The following ITGA11 variants were observed in gnomAD, a reference collection of about 807,000 sequenced individuals.
ITGA11 encodes integrin alpha-11.
ITGA11 carries 97 observed loss-of-function variants against 141.9 expected under a neutral mutation model. The observed-to-expected ratio is 0.68, with a 90% CI of 0.58 to 0.81. ITGA11 has a LOEUF of 0.81. Ranked by LOEUF, ITGA11 falls within the 30% of genes least tolerant of loss-of-function variation. The pLI, the probability that ITGA11 is intolerant of heterozygous loss-of-function variation, is 0.00. For synonymous variants in ITGA11, 658 were observed against 624.6 expected, an observed-to-expected ratio of 1.05 and a Z score of -0.80; for missense variants, 1,387 against 1,559.2, an observed-to-expected ratio of 0.89 and a Z score of 1.86.
At chr15:68,347,387 G>T (rs1395571527) in intron 10 of ITGA11, among the ~76,000 whole-genome samples, 3 of 152,242 alleles carry the variant, frequency 2.0e-5, no homozygotes, top group Non-Finnish European at 4.4e-5. Context: ...TTGTAGGGCT[G>T]TTCTGGTGTG....
chr15:68,309,960 T>A lies in ITGA11; in HGVS notation c.3174+1034A>T, dbSNP rs117676631. Among the ~76,000 whole-genome samples, 67 of 152,368 alleles carry A rather than the reference T, an allele frequency of 4.4e-4. 2 individuals are homozygous for A. The East Asian group carries it at 0.013, about 29-fold the overall frequency. On this transcript the variant is annotated intron_variant, in intron 26 of 29. Coordinates refer to ENST00000315757, the MANE Select transcript of ITGA11 (RefSeq NM_001004439.2). ...AATAATGGTTGCCCTTTAAAGATTTTTTTTAAGATTAGCAAACCAAAAGAA... is the reference window on the plus strand; with the variant it reads ...AATAATGGTTGCCCTTTAAAGATTTATTTTAAGATTAGCAAACCAAAAGAA...
In ITGA11 at chr15:68,320,307, C is replaced by T; in HGVS notation, c.2494G>A (p.Glu832Lys). The T allele has an allele frequency of 6.2e-7, 1 of 1,613,964 alleles. No individual in the cohort carries two copies. The highest frequency in any genetic ancestry group is 8.5e-7 in the Non-Finnish European group (1 of 1,179,852). ...LSFDTTVFII[E>K]STRQRVAVEA... is the part of the protein sequence containing the mutation. Reference sequence around the variant, plus strand: ...ACCGCCACTCGCTGGCGTGTGCTCTCTATGATGAAGACTGTGGTGTCGAAG... The same window carrying T: ...ACCGCCACTCGCTGGCGTGTGCTCTTTATGATGAAGACTGTGGTGTCGAAG... Residue 832 changes from glutamate (E) to lysine (K), a missense_variant, in exon 20 of 30, where the codon GAG (glutamate) becomes AAG (lysine). Coordinates refer to ENST00000315757, the MANE Select transcript of ITGA11 (RefSeq NM_001004439.2).
rs1194957196 is a variant in ITGA11 at position 68,326,073 on chromosome 15, G to T, written c.2211+581C>A. On this transcript the variant is annotated intron_variant, in intron 17 of 29. Coordinates refer to ENST00000315757, the MANE Select transcript of ITGA11 (RefSeq NM_001004439.2). This position sits in a 1 kb window ranked among gnomAD's most constrained non-coding sequence, Gnocchi z 6.8. ...CCTTCTCAGACCTGCTCACATCTCTGAACTCTGGCCATTGAACTACTGGGA... is the reference window on the plus strand; with the variant it reads ...CCTTCTCAGACCTGCTCACATCTCTTAACTCTGGCCATTGAACTACTGGGA... Among the ~76,000 whole-genome samples the T allele has an allele frequency of 2.0e-5, 3 of 152,218 alleles. No individual in the cohort carries two copies. The highest frequency in any genetic ancestry group is 7.2e-5 in the African/African-American group (3 of 41,432).
chr15:68,337,400 C>T (rs551630411), intron 11 of ITGA11, among the ~76,000 whole-genome samples: 14 of 152,178 alleles, frequency 9.2e-5, no homozygotes, highest in Non-Finnish European at 8.8e-5. Flanking sequence ...TGGGAGCTGG[C>T]CTCCTGGTCT....
intron 1 of ITGA11, among the ~76,000 whole-genome samples, chr15:68,414,653 C>T (rs1331368507): frequency 2.6e-5 from 4 of 152,218 alleles, no homozygotes; most frequent in African/African-American, 9.6e-5. Context: ...TCCATCTCCC[C>T]TCAGAGGGGA....
At chr15:68,407,932 G>A (rs552250441) in intron 1 of ITGA11, among the ~76,000 whole-genome samples, 7 of 152,320 alleles carry the variant, frequency 4.6e-5, no homozygotes, top group East Asian at 3.9e-4. Flanking sequence ...ACAGCTCAGC[G>A]GGGAGAGTTC....
intron 20 of ITGA11, among the ~76,000 whole-genome samples, chr15:68,318,874 C>A (rs1419175211): frequency 6.6e-6 from 1 of 152,172 alleles, no homozygotes; most frequent in Non-Finnish European, 1.5e-5. Flanking sequence ...GGCCCTAGGA[C>A]CCCCGCAACA....
In ITGA11 at chr15:68,325,110, G is replaced by A. The variant is rs542657322; in HGVS notation, c.2322+21C>T. 21 of 1,580,674 alleles carry A rather than the reference G, an allele frequency of 1.3e-5. No individual in the cohort carries two copies. In the East Asian group the frequency reaches 2.5e-4, roughly 19 times the overall value. ...GGGGTGGGGTTCATGCCCGAGGTGC[G>A]TGCCCTGTACCGAGATGTACCGAGA... On this transcript the variant is annotated intron_variant, in intron 18 of 29. Transcript: ENST00000315757. The surrounding 1 kb of genome is among the most constrained non-coding windows in gnomAD (Gnocchi z 5.5).
intron 28 of ITGA11, among the ~76,000 whole-genome samples, chr15:68,306,072 A>C (rs11634149): frequency 0.34 from 50,095 of 148,858 alleles, 9,106 homozygotes; most frequent in African/African-American, 0.42. Context: ...CGCCTGTAAT[A>C]CCTGCTACCC....
chr15:68,361,768 G>C (rs1895251135), intron 4 of ITGA11, 64 bp from the exon 5 acceptor site: 1 of 1,116,764 alleles, frequency 9.0e-7, no homozygotes, highest in Non-Finnish European at 1.3e-6. Context: ...AGGTCCAATG[G>C]CCTGAGGCCC....
In ITGA11 at chr15:68,331,175, G is replaced by A. The variant is rs567301892; in HGVS notation, c.1771-64C>T. ...TGTGAGTGTGGGGGCGGGCGTCCCC[G>A]AGCAGCAGGAACAATCAGGAACAAT... On this transcript the variant is annotated intron_variant, in intron 14 of 29. Transcript: ENST00000315757. 5.7e-4 allele frequency: 815 copies of A among 1,440,918 alleles called. 5 individuals carry two copies. In the African/African-American group the frequency reaches 0.01, roughly 18 times the overall value. The allele number at this position is 1,440,918 out of a possible 1,614,324, so 89.3% of individuals were successfully genotyped here.
Position 68,335,959 on chromosome 15 carries a change from G to A in ITGA11, c.1277-114C>T. ...ATGGGCCAGTGATGGGGTAGGTTCA[G>A]GGCTAGCTGAGCAGATTCAATCACG... On this transcript the variant is annotated intron_variant, in intron 11 of 29. Coordinates refer to ENST00000315757, the MANE Select transcript of ITGA11 (RefSeq NM_001004439.2). The surrounding 1 kb of genome is among the most constrained non-coding windows in gnomAD (Gnocchi z 4.9). The A allele has an allele frequency of 8.0e-7, 1 of 1,256,734 alleles. No individual in the cohort carries two copies. Among genetic ancestry groups the A allele is most frequent in the South Asian group, 1.4e-5 (1 of 69,730 alleles). 77.8% of individuals were successfully genotyped at this position (1,256,734 alleles called of 1,614,324 possible).
chr15:68,405,118 G>A (rs1416755687), intron 1 of ITGA11, among the ~76,000 whole-genome samples: 2 of 147,834 alleles, frequency 1.4e-5, no homozygotes. Flanking sequence ...ACTTTAATAA[G>A]GCCTATCATA....
At chr15:68,350,216 G>A (rs1894860564) in intron 9 of ITGA11, among the ~76,000 whole-genome samples, 2 of 152,076 alleles carry the variant, frequency 1.3e-5, no homozygotes, top group African/African-American at 4.8e-5. Flanking sequence ...ACAGGGTCTG[G>A]CTCTGTTGCC....
chr15:68,365,681 A>G (rs1453548764), intron 3 of ITGA11, among the ~76,000 whole-genome samples: 1 of 145,532 alleles, frequency 6.9e-6, no homozygotes, highest in Non-Finnish European at 1.5e-5. Flanking sequence ...GGGAAGGAGT[A>G]ATTTCTTTTC....
intron 2 of ITGA11, among the ~76,000 whole-genome samples, chr15:68,383,009 C>T (rs932109822): frequency 8.5e-5 from 13 of 152,182 alleles, no homozygotes; most frequent in Middle Eastern, 3.2e-3. Flanking sequence ...TGGTGGCTCA[C>T]GCCTGTAATC....
At chr15:68,376,688 C>T (rs1895737100) in intron 2 of ITGA11, among the ~76,000 whole-genome samples, 1 of 152,226 alleles carries the variant, frequency 6.6e-6, no homozygotes, top group African/African-American at 2.4e-5. Flanking sequence ...AGAGCAAGCT[C>T]TGGCAGGGGA....
At chr15:68,418,660 G>A (rs559102586) in intron 1 of ITGA11, among the ~76,000 whole-genome samples, 9 of 144,628 alleles carry the variant, frequency 6.2e-5, no homozygotes, top group South Asian at 4.5e-4. Context: ...GCGCACAGCC[G>A]GTACAGCTGT....
intron 2 of ITGA11, among the ~76,000 whole-genome samples, chr15:68,395,866 TATA>T (rs1025151200): frequency 1.3e-5 from 2 of 149,178 alleles, no homozygotes; most frequent in African/African-American, 2.5e-5. Context: ...GAACTTAAAG[TATA>T]ATAATAATAA....
Sources: gnomAD v4.1 joint callset for allele counts (sites outside exome capture counted in the v4.1 genomes callset) on GRCh38, gnomAD v4.1.1 for gene constraint, Gnocchi (gnomAD v3.1) non-coding constraint, MANE v1.5 for transcripts, NCBI Gene and HGNC (gene_info 2026-07-23, HGNC 2026-07-21) for gene names.